Variants in ARHGAP6 observed in about 807,000 individuals in gnomAD.
The protein encoded by ARHGAP6 is Rho GTPase activating protein 6, also known as rho GTPase-activating protein 6.
In ARHGAP6, 16 loss-of-function variants were observed where a neutral mutation model predicts 55.7. That is an observed-to-expected ratio of 0.29 (90% CI 0.19 to 0.44). The LOEUF is 0.44. ARHGAP6 is among the 20% of genes least tolerant of loss of function. The probability of loss-of-function intolerance (pLI) is 1.00; values close to 1 mark genes in which losing one functional copy is unlikely to be tolerated. For synonymous variants in ARHGAP6, 382 were observed against 360.9 expected (o/e 1.06, Z -0.66); for missense variants, 698 against 808.9 (o/e 0.86, Z 1.66).
At chrX:11,309,466 CCT>C (rs1381249755) in intron 1 of ARHGAP6, among the ~76,000 whole-genome samples, 1 of 110,815 alleles carries the variant, frequency 9.0e-6, no homozygotes, top group Non-Finnish European at 1.9e-5. Context: ...TCACTGTGAT[CCT>C]CTGAGTCAGA....
At chrX:11,146,105 GAGA>G (rs928601997) in intron 10 of ARHGAP6, among the ~76,000 whole-genome samples, 11 of 112,411 alleles carry the variant, frequency 9.8e-5, no homozygotes, top group Non-Finnish European at 1.9e-4. Context: ...CCACAGTTAG[GAGA>G]AGGAGGAAGG....
intron 1 of ARHGAP6, among the ~76,000 whole-genome samples, chrX:11,307,105 C>A (rs986129501): frequency 9.0e-6 from 1 of 110,908 alleles, no homozygotes; most frequent in African/African-American, 3.3e-5. Flanking sequence ...GTAGAAACCA[C>A]AAGGCCCTGT....
chrX:11,337,170 G>T (rs910944113), intron 1 of ARHGAP6, among the ~76,000 whole-genome samples: 1 of 110,239 alleles, frequency 9.1e-6, no homozygotes, highest in Non-Finnish European at 1.9e-5. Flanking sequence ...AAATACACAA[G>T]GGTAGATATC....
At chrX:11,207,244 G>A (rs930342283) in intron 2 of ARHGAP6, among the ~76,000 whole-genome samples, 1 of 108,301 alleles carries the variant, frequency 9.2e-6, no homozygotes, top group Non-Finnish European at 1.9e-5. Flanking sequence ...GGCCAGGTTG[G>A]TCTTGAACTC....
chrX:11,358,477 CTTTCTTTCTTT>C (rs1377799309), intron 1 of ARHGAP6, among the ~76,000 whole-genome samples: 1 of 78,027 alleles, frequency 1.3e-5, no homozygotes. Flanking sequence ...TTCTTTCTTT[CTTTCTTTCTTT>C]TTTTTTTTTT....
At chrX:11,378,443 G>C (rs1007748247) in intron 1 of ARHGAP6, among the ~76,000 whole-genome samples, 10 of 111,985 alleles carry the variant, frequency 8.9e-5, no homozygotes, top group African/African-American at 2.9e-4. Flanking sequence ...TTCATCAATA[G>C]ATAACTGGAA....
At chrX:11,639,772 C>T (rs1046489567) in intron 1 of ARHGAP6, among the ~76,000 whole-genome samples, 1 of 110,210 alleles carries the variant, frequency 9.1e-6, no homozygotes, top group African/African-American at 3.3e-5. Flanking sequence ...GGGACAGAGA[C>T]ATGGAGAAAA....
intron 1 of ARHGAP6, among the ~76,000 whole-genome samples, chrX:11,539,265 G>A (rs1026385080): frequency 1.8e-5 from 2 of 111,862 alleles, no homozygotes; most frequent in Admixed American, 1.9e-4. Flanking sequence ...TCCAGACAAT[G>A]CAATATCTTT....
intron 1 of ARHGAP6, among the ~76,000 whole-genome samples, chrX:11,276,724 A>G (rs866172815): frequency 1.1e-4 from 12 of 112,496 alleles, no homozygotes; most frequent in South Asian, 3.7e-4. Context: ...TCTCCTCAAT[A>G]TACGACTTTT....
intron 1 of ARHGAP6, among the ~76,000 whole-genome samples, chrX:11,493,499 G>T (rs1259598577): frequency 8.9e-6 from 1 of 111,787 alleles, no homozygotes; most frequent in Admixed American, 9.5e-5. Flanking sequence ...GCATTGAGAA[G>T]CCAGCAGGAG....
At chrX:11,432,030 A>G (rs2049944935) in intron 1 of ARHGAP6, among the ~76,000 whole-genome samples, 1 of 111,862 alleles carries the variant, frequency 8.9e-6, no homozygotes, top group Admixed American at 9.4e-5. Context: ...TATTCCCCCT[A>G]CGCCAATTGT....
intron 1 of ARHGAP6, among the ~76,000 whole-genome samples, chrX:11,385,841 A>T (rs905842990): frequency 1.8e-5 from 2 of 112,347 alleles, no homozygotes; most frequent in African/African-American, 3.2e-5. Flanking sequence ...TGATAAAAAA[A>T]TGAGATATAT....
chrX:11,479,072 A>G (rs1055698513), intron 1 of ARHGAP6, among the ~76,000 whole-genome samples: 1 of 112,172 alleles, frequency 8.9e-6, no homozygotes, highest in African/African-American at 3.2e-5. Context: ...AATGCATTTG[A>G]ATCCACTCAG....
At chrX:11,563,131 C>T (rs1259816304) in intron 1 of ARHGAP6, among the ~76,000 whole-genome samples, 1 of 110,428 alleles carries the variant, frequency 9.1e-6, no homozygotes, top group African/African-American at 3.3e-5. Context: ...TTAAAAAAGA[C>T]ATTGAGTTGA....
intron 1 of ARHGAP6, among the ~76,000 whole-genome samples, chrX:11,352,373 G>A (rs1322448564): frequency 8.9e-6 from 1 of 112,058 alleles, no homozygotes; most frequent in Non-Finnish European, 1.9e-5. Context: ...GTCCAAATAA[G>A]GCAATGGTCA....
intron 1 of ARHGAP6, among the ~76,000 whole-genome samples, chrX:11,515,511 C>A: frequency 9.4e-6 from 1 of 106,509 alleles, no homozygotes; most frequent in East Asian, 3.1e-4. Flanking sequence ...TTTTAACAAC[C>A]AAAGCTTTCC....
intron 1 of ARHGAP6, among the ~76,000 whole-genome samples, chrX:11,292,216 T>C (rs1462586920): frequency 8.9e-6 from 1 of 112,201 alleles, no homozygotes; most frequent in Admixed American, 9.5e-5. Flanking sequence ...ACATCAACTG[T>C]ATCTGGGTAG....
At chrX:11,279,233 C>T (rs1459232062) in intron 1 of ARHGAP6, among the ~76,000 whole-genome samples, 1 of 111,938 alleles carries the variant, frequency 8.9e-6, no homozygotes, top group Non-Finnish European at 1.9e-5. Flanking sequence ...AAGCTCCTAA[C>T]AGATAAATTT....
rs2050432852 is a variant in ARHGAP6, at chrX:11,479,295, G to A, written c.588+184946C>T. Among the ~76,000 whole-genome samples, 5 of 111,898 alleles carry A rather than the reference G, an allele frequency of 4.5e-5. No homozygotes were observed. In the Admixed American group the frequency reaches 4.7e-4, roughly 11 times the overall value. On this transcript the variant is annotated intron_variant, in intron 1 of 12. Transcript: ENST00000337414. ...TTGTTGCTATCATGAAATGTGAAGT[G>A]GTATGACTGTACAACCAGCAAGGGC...
Sources: gnomAD v4.1 joint callset for allele counts (sites outside exome capture counted in the v4.1 genomes callset) on GRCh38, gnomAD v4.1.1 for gene constraint, MANE v1.5 for transcripts, NCBI Gene and HGNC (gene_info 2026-07-23, HGNC 2026-07-21) for gene names.